The following DLG2 variants were observed in gnomAD, a reference collection of about 807,000 sequenced individuals.
DLG2 encodes discs large MAGUK scaffold protein 2, also known as disks large homolog 2.
Under a neutral mutation model 132.5 loss-of-function variants are expected in DLG2, and 45 were observed. The observed-to-expected ratio is 0.34, with a 90% confidence interval of 0.27 to 0.44. The LOEUF is 0.44. Among genes scored for constraint, DLG2 ranks in the 20% least tolerant of loss-of-function variants. The pLI is 1.00. For synonymous variants in DLG2, 424 were observed against 419.6 expected (o/e 1.01, Z -0.13); for missense variants, 1,045 against 1,196.9 (o/e 0.87, Z 1.87).
chr11:84,064,458 CA>C (rs2096641092), intron 10 of DLG2, among the ~76,000 whole-genome samples: 1 of 152,194 alleles, frequency 6.6e-6, no homozygotes, highest in South Asian at 2.1e-4. Flanking sequence ...GATCTCACCA[CA>C]GCTCTAAAAC....
At chr11:84,214,292 TGA>T (rs2096804415) in intron 8 of DLG2, among the ~76,000 whole-genome samples, 1 of 147,158 alleles carries the variant, frequency 6.8e-6, no homozygotes, top group African/African-American at 2.5e-5. Context: ...AATATATATA[TGA>T]GAGAATATAT....
intron 7 of DLG2, among the ~76,000 whole-genome samples, chr11:84,361,375 G>A (rs2098648854): frequency 6.6e-6 from 1 of 151,918 alleles, no homozygotes; most frequent in Non-Finnish European, 1.5e-5. Flanking sequence ...AACAAAGGAT[G>A]ACAGCAACCC....
chr11:85,034,077 G>GAT (rs1469538843), intron 6 of DLG2, among the ~76,000 whole-genome samples: 1 of 136,818 alleles, frequency 7.3e-6, no homozygotes, highest in Non-Finnish European at 1.6e-5. Flanking sequence ...AGATATATTA[G>GAT]ATTTTTTTTT....
At chr11:85,020,286 T>C (rs1169532563) in intron 6 of DLG2, among the ~76,000 whole-genome samples, 1 of 152,212 alleles carries the variant, frequency 6.6e-6, no homozygotes, top group African/African-American at 2.4e-5. Context: ...TGTCTGTTCA[T>C]GTCCTTTGCC....
chr11:84,924,516 G>A (rs72955520), intron 6 of DLG2, among the ~76,000 whole-genome samples: 1 of 152,172 alleles, frequency 6.6e-6, no homozygotes, highest in Non-Finnish European at 1.5e-5. Flanking sequence ...GAGTTACTGG[G>A]CATTTCTCCT....
At chr11:83,734,900 T>C (rs948436897) in intron 18 of DLG2, among the ~76,000 whole-genome samples, 2 of 151,918 alleles carry the variant, frequency 1.3e-5, no homozygotes, top group Admixed American at 6.6e-5. Context: ...TACACATATG[T>C]ATAAAATACA....
At chr11:83,918,291 T>C (rs913875852) in intron 15 of DLG2, among the ~76,000 whole-genome samples, 6 of 152,076 alleles carry the variant, frequency 3.9e-5, no homozygotes, top group Admixed American at 6.5e-5. Flanking sequence ...GAGCTATGAT[T>C]TACAGCAGAA....
At chr11:83,787,465 G>A (rs1409808617) in intron 17 of DLG2, among the ~76,000 whole-genome samples, 2 of 151,694 alleles carry the variant, frequency 1.3e-5, no homozygotes, top group Admixed American at 6.6e-5. Context: ...GGGATTACAG[G>A]TGCCCGCCAC....
At chr11:85,555,208 A>G (rs2076873357) in intron 3 of DLG2, among the ~76,000 whole-genome samples, 2 of 151,880 alleles carry the variant, frequency 1.3e-5, no homozygotes, top group African/African-American at 4.8e-5. Context: ...GAAATATACT[A>G]CTTAAATAGA....
intron 3 of DLG2, among the ~76,000 whole-genome samples, chr11:85,430,637 G>A (rs534866549): frequency 1.7e-4 from 26 of 152,090 alleles, no homozygotes; most frequent in Admixed American, 2.6e-4. Flanking sequence ...ATATTTGCTT[G>A]GTAGCTCAGA....
At chr11:84,884,412 G>A (rs1279151147) in intron 6 of DLG2, among the ~76,000 whole-genome samples, 3 of 152,044 alleles carry the variant, frequency 2.0e-5, no homozygotes, top group Admixed American at 1.3e-4. Context: ...AATGAAGGGT[G>A]ATATGCTACT....
At chr11:84,515,315 A>ACACACACC (rs1554986311) in intron 7 of DLG2, among the ~76,000 whole-genome samples, 5 of 131,498 alleles carry the variant, frequency 3.8e-5, no homozygotes, top group African/African-American at 1.4e-4. Context: ...ACACACACAC[A>ACACACACC]CCCCAAATAT....
chr11:83,824,137 G>A (rs2051742263), intron 17 of DLG2, among the ~76,000 whole-genome samples: 1 of 152,138 alleles, frequency 6.6e-6, no homozygotes. Context: ...CCAGCAAAAT[G>A]CTTTGTGCTG....
In DLG2 at chr11:85,470,516, A is replaced by T. The variant is rs548935890; in HGVS notation, c.40+128141T>A. On this transcript the variant is annotated intron_variant, in intron 3 of 27. Transcript: ENST00000376104. Reference sequence around the variant, plus strand: ...GGCAGGTGGATCACTTGAGATCAGGAGTTCGAGACCAGCCTGGCCCACATG... The same window carrying T: ...GGCAGGTGGATCACTTGAGATCAGGTGTTCGAGACCAGCCTGGCCCACATG... Among the ~76,000 whole-genome samples the T allele has an allele frequency of 7.0e-4, 107 of 152,288 alleles. 1 individual carries two copies. Among genetic ancestry groups the T allele is most frequent in the Admixed American group, 2.3e-3 (35 of 15,304 alleles).
At position 84,858,854 on chromosome 11, in the gene DLG2, T is replaced by C. The variant is rs147109667; in HGVS notation, c.357+252807A>G. 4.0e-3 allele frequency among the ~76,000 whole-genome samples: 601 copies of C among 152,142 alleles called. 1 individual carries two copies. Among genetic ancestry groups the C allele is most frequent in the Admixed American group, 8.6e-3 (131 of 15,266 alleles). On this transcript the variant is annotated intron_variant, in intron 6 of 27. Coordinates refer to ENST00000376104, the MANE Select transcript of DLG2 (RefSeq NM_001142699.3). ...TACTCAAACAAAAAGAAACAATTAG[T>C]TCTCTTTTTAATAAAAATATACACA...
intron 5 of DLG2, among the ~76,000 whole-genome samples, chr11:85,139,467 A>G (rs560990479): frequency 2.6e-5 from 4 of 152,222 alleles, no homozygotes; most frequent in South Asian, 4.1e-4. Flanking sequence ...CACATAAACA[A>G]TAGTTTTTTG....
At position 85,273,664 on chromosome 11, in the gene DLG2, A is replaced by C. The variant is rs180961253; in HGVS notation, c.186+11556T>G. Among the ~76,000 whole-genome samples, 436 of 152,352 alleles carry C rather than the reference A, an allele frequency of 2.9e-3. 2 individuals are homozygous for C. The highest frequency in any genetic ancestry group is 0.01 in the African/African-American group (420 of 41,570). ...ACTTTTACACTGTTGGTGGGACTGTAAACTAGTTCAACCATTGTGGAAGTC... is the reference window on the plus strand; with the variant it reads ...ACTTTTACACTGTTGGTGGGACTGTCAACTAGTTCAACCATTGTGGAAGTC... On this transcript the variant is annotated intron_variant, in intron 4 of 27. Transcript: ENST00000376104.
At chr11:83,869,926 G>A (rs1386549461) in intron 16 of DLG2, among the ~76,000 whole-genome samples, 3 of 152,168 alleles carry the variant, frequency 2.0e-5, no homozygotes, top group Non-Finnish European at 4.4e-5. Flanking sequence ...TCTCCTAGAT[G>A]AAAGAAAGCT....
At chr11:84,095,112 C>T (rs1288039952) in intron 10 of DLG2, among the ~76,000 whole-genome samples, 1 of 151,276 alleles carries the variant, frequency 6.6e-6, no homozygotes, top group Non-Finnish European at 1.5e-5. Flanking sequence ...GGGAAGAACA[C>T]ACAGGGTGAA....
Sources: allele counts gnomAD v4.1 joint callset (sites outside exome capture counted in the v4.1 genomes callset), GRCh38; gene constraint gnomAD v4.1.1; transcripts MANE v1.5; gene names NCBI Gene and HGNC (gene_info 2026-07-23, HGNC 2026-07-21).